HDAC8: variants seen among roughly 807,000 people sequenced by gnomAD.
The protein encoded by HDAC8 is histone deacetylase-like 1.
HDAC8 carries 1 observed loss-of-function variant against 32.2 expected under a neutral mutation model. That is an observed-to-expected ratio of 0.03 (90% CI 0.01 to 0.15). The LOEUF (loss-of-function observed/expected upper bound fraction) is 0.15. Among genes scored for constraint, HDAC8 ranks in the 10% least tolerant of loss-of-function variants. The pLI is 1.00. For synonymous variants in HDAC8, 108 were observed against 113.9 expected, an observed-to-expected ratio of 0.95 and a Z score of 0.33; for missense variants, 117 against 300.0, an observed-to-expected ratio of 0.39 and a Z score of 4.51.
chrX:72,539,106 A>G (rs886273150), intron 4 of HDAC8, among the ~76,000 whole-genome samples: 13 of 112,346 alleles, frequency 1.2e-4, no homozygotes, highest in African/African-American at 3.9e-4. Flanking sequence ...GTAATGAGTG[A>G]TCATGTATCA....
intron 9 of HDAC8, among the ~76,000 whole-genome samples, chrX:72,425,889 G>T (rs962021162): frequency 9.0e-6 from 1 of 111,512 alleles, no homozygotes. Flanking sequence ...TACTTTTAAA[G>T]ATTTAGCTCA....
chrX:72,558,831 C>T (rs2051378421), intron 4 of HDAC8, among the ~76,000 whole-genome samples: 1 of 109,901 alleles, frequency 9.1e-6, no homozygotes, highest in African/African-American at 3.3e-5. Context: ...GATCATATAC[C>T]TAGAAAACCC....
At chrX:72,418,803 T>A (rs1186467538) in intron 9 of HDAC8, among the ~76,000 whole-genome samples, 1 of 111,467 alleles carries the variant, frequency 9.0e-6, no homozygotes, top group Non-Finnish European at 1.9e-5. Flanking sequence ...GTCAGTTAAT[T>A]TTTTTGTATA....
intron 4 of HDAC8, among the ~76,000 whole-genome samples, chrX:72,509,834 G>GA (rs1388183085): frequency 3.6e-5 from 4 of 110,417 alleles, no homozygotes; most frequent in Non-Finnish European, 1.9e-5. Context: ...TAATGTTGTT[G>GA]AAATTAGTCA....
At chrX:72,570,606 CAAA>C (rs200815195) in intron 2 of HDAC8, among the ~76,000 whole-genome samples, 8 of 48,134 alleles carry the variant, frequency 1.7e-4, no homozygotes, top group Non-Finnish European at 1.8e-4. Context: ...AAGACTCCAT[CAAA>C]AAAAAAAAAA....
chrX:72,498,748 A>G (rs1373313976), intron 4 of HDAC8, among the ~76,000 whole-genome samples: 1 of 111,923 alleles, frequency 8.9e-6, no homozygotes, highest in Non-Finnish European at 1.9e-5. Context: ...TTTTTTCTCT[A>G]TAAAGATGAT....
chrX:72,414,005 A>G (rs1417963950), intron 9 of HDAC8, among the ~76,000 whole-genome samples: 1 of 111,852 alleles, frequency 8.9e-6, no homozygotes, highest in Non-Finnish European at 1.9e-5. Context: ...TCATCTCATG[A>G]TGGGACTGAG....
intron 7 of HDAC8, chrX:72,473,615 C>T: frequency 1.4e-6 from 1 of 699,806 alleles, no homozygotes; most frequent in Non-Finnish European, 1.7e-6. Context: ...GGTTTTTGAA[C>T]CCAGGCATCC....
At chrX:72,383,825 A>C (rs2045340763) in intron 9 of HDAC8, among the ~76,000 whole-genome samples, 1 of 100,363 alleles carries the variant, frequency 1.0e-5, no homozygotes, top group South Asian at 5.1e-4. Context: ...AGCCAAGATC[A>C]CGCCACTGCA....
At chrX:72,365,515 G>A (rs957537625) in intron 9 of HDAC8, among the ~76,000 whole-genome samples, 25 of 111,634 alleles carry the variant, frequency 2.2e-4, no homozygotes, top group Non-Finnish European at 4.3e-4. Flanking sequence ...AATGAATAAG[G>A]CTTCATGGAG....
chrX:72,572,235 G>T lies in HDAC8; in HGVS notation c.112-126C>A, dbSNP rs926135974. ...GAACGGATTAATTTTGTTTCAACTG[G>T]CTTCCCTTCTGTTAACAGTTACAAT... On this transcript the variant is annotated intron_variant, in intron 1 of 10. Coordinates refer to ENST00000373573, the MANE Select transcript of HDAC8 (RefSeq NM_018486.3). 150 of 622,799 alleles carry T rather than the reference G, an allele frequency of 2.4e-4. 1 individual carries two copies. The highest frequency in any genetic ancestry group is 1.3e-3 in the South Asian group (39 of 30,957). 51.3% of individuals were successfully genotyped at this position (622,799 alleles called of 1,213,427 possible).
At chrX:72,453,491 A>AGAAAGAAAGAAG (rs1555988504) in intron 9 of HDAC8, among the ~76,000 whole-genome samples, 42 of 107,397 alleles carry the variant, frequency 3.9e-4, no homozygotes, top group Middle Eastern at 4.6e-3. Context: ...AAAGAAAGAA[A>AGAAAGAAAGAAG]GAAAGAAAGA....
chrX:72,382,797 A>C (rs2045301787), intron 9 of HDAC8, among the ~76,000 whole-genome samples: 1 of 111,996 alleles, frequency 8.9e-6, no homozygotes, highest in Non-Finnish European at 1.9e-5. Context: ...ATAACATACC[A>C]GAATTAGGTA....
At chrX:72,443,028 T>A (rs1192092635) in intron 9 of HDAC8, among the ~76,000 whole-genome samples, 1 of 107,330 alleles carries the variant, frequency 9.3e-6, no homozygotes, top group Non-Finnish European at 1.9e-5. Context: ...GCACCCAGAT[T>A]CATAAAGCAA....
chrX:72,546,141 G>A (rs1556054027), intron 4 of HDAC8, among the ~76,000 whole-genome samples: 1 of 111,426 alleles, frequency 9.0e-6, no homozygotes, highest in Non-Finnish European at 1.9e-5. Context: ...AGAGCTGGAG[G>A]TCTAGTTCTA....
intron 10 of HDAC8, among the ~76,000 whole-genome samples, chrX:72,331,787 T>C (rs1555940649): frequency 8.9e-6 from 1 of 112,382 alleles, no homozygotes; most frequent in Admixed American, 9.4e-5. Flanking sequence ...TTACAAGCAC[T>C]CATTTGTGTG....
chrX:72,383,198 A>C (rs2045315514), intron 9 of HDAC8, among the ~76,000 whole-genome samples: 1 of 112,205 alleles, frequency 8.9e-6, no homozygotes, highest in African/African-American at 3.2e-5. Context: ...GCTTATGATA[A>C]TGATGTTTCT....
chrX:72,432,901 A>G (rs2046857420), intron 9 of HDAC8, among the ~76,000 whole-genome samples: 1 of 111,711 alleles, frequency 9.0e-6, no homozygotes, highest in Non-Finnish European at 1.9e-5. Flanking sequence ...GATAAGTCAA[A>G]CATCCAATCA....
At chrX:72,555,909 T>C (rs2051266459) in intron 4 of HDAC8, among the ~76,000 whole-genome samples, 1 of 112,362 alleles carries the variant, frequency 8.9e-6, no homozygotes. Context: ...AAAGAATACC[T>C]GGGAAATTCA....
Sources: gnomAD v4.1 joint callset for allele counts (sites outside exome capture counted in the v4.1 genomes callset) on GRCh38, gnomAD v4.1.1 for gene constraint, MANE v1.5 for transcripts, NCBI Gene and HGNC (gene_info 2026-07-23, HGNC 2026-07-21) for gene names.